PTK2B: variants seen among roughly 807,000 people sequenced by gnomAD.
The protein encoded by PTK2B is protein-tyrosine kinase 2-beta.
In PTK2B, 71 loss-of-function variants were observed where a neutral mutation model predicts 142.9. The observed-to-expected ratio is 0.50, with a 90% CI of 0.41 to 0.61. The LOEUF is 0.61. Ranked by LOEUF, PTK2B falls within the 20% of genes least tolerant of loss-of-function variation. The pLI, the probability that PTK2B is intolerant of heterozygous loss-of-function variation, is 0.00. For missense variants in PTK2B, 1,105 were observed against 1,320.4 expected, an observed-to-expected ratio of 0.84 and a Z score of 2.53; for synonymous variants, 519 against 503.4, an observed-to-expected ratio of 1.03 and a Z score of -0.42.
chr8:27,401,634 A>G (rs2059968), intron 2 of PTK2B, among the ~76,000 whole-genome samples: 1 of 152,164 alleles, frequency 6.6e-6, no homozygotes, highest in South Asian at 2.1e-4. Flanking sequence ...AAGAATTGCT[A>G]AAGTTTGGCT....
chr8:27,330,861 T>C (rs1354049276), intron 1 of PTK2B, among the ~76,000 whole-genome samples: 1 of 152,214 alleles, frequency 6.6e-6, no homozygotes, highest in African/African-American at 2.4e-5. Context: ...CTGAGTTTAG[T>C]GGTCTTCGTG....
chr8:27,393,235 G>A (rs571914074), intron 1 of PTK2B, among the ~76,000 whole-genome samples: 1 of 152,298 alleles, frequency 6.6e-6, no homozygotes, highest in East Asian at 1.9e-4. Context: ...AGATTGTTGT[G>A]CAAAGAACTT....
chr8:27,402,076 T>C (rs2131496868), intron 2 of PTK2B, among the ~76,000 whole-genome samples: 1 of 152,288 alleles, frequency 6.6e-6, no homozygotes, highest in Non-Finnish European at 1.5e-5. Context: ...GCACAGAGAA[T>C]TTAAGCAAAT....
chr8:27,389,456 T>C (rs1807575000), intron 1 of PTK2B, among the ~76,000 whole-genome samples: 1 of 152,146 alleles, frequency 6.6e-6, no homozygotes. Flanking sequence ...AAAATCTGGC[T>C]AGCTGCAGGG....
upstream of PTK2B, chr8:27,323,370 A>T (rs1803266385): frequency 6.6e-6 from 1 of 152,290 alleles, no homozygotes. Context: ...CCAGCAGCTG[A>T]AAGGACATTT....
intron 6 of PTK2B, 80 bp downstream of exon 6, chr8:27,430,235 CT>C: frequency 1.3e-6 from 2 of 1,577,318 alleles, no homozygotes; most frequent in Non-Finnish European, 1.7e-6. Context: ...TCCTCCACCC[CT>C]CCCCAGACCA....
intron 30 of PTK2B, among the ~76,000 whole-genome samples, chr8:27,458,023 A>ATGAGG (rs2132607347): frequency 6.6e-6 from 1 of 150,542 alleles, no homozygotes; most frequent in East Asian, 2.0e-4. Flanking sequence ...TTTAGAAAGT[A>ATGAGG]TGAGGTATGA....
At chr8:27,340,404 G>A (rs1804326475) in intron 1 of PTK2B, among the ~76,000 whole-genome samples, 1 of 152,238 alleles carries the variant, frequency 6.6e-6, no homozygotes, top group Admixed American at 6.5e-5. Context: ...GCAAAGATAA[G>A]AAGGCACTGA....
At chr8:27,320,052 G>T (rs77991665) in intron 3 of PTK2B, among the ~76,000 whole-genome samples, 80 of 152,234 alleles carry the variant, frequency 5.3e-4, no homozygotes, top group African/African-American at 1.8e-3. Flanking sequence ...GGAGGAGTGC[G>T]CATTGGGGTG....
At chr8:27,454,837 G>A (rs1812050842) in intron 30 of PTK2B, among the ~76,000 whole-genome samples, 2 of 152,186 alleles carry the variant, frequency 1.3e-5, no homozygotes. Context: ...GTCTCCAGAT[G>A]ACGGCAGTGA....
At chr8:27,445,762 G>T (rs199775166) in intron 23 of PTK2B, 32 bp from the exon 24 acceptor site, 1 of 1,611,516 alleles carries the variant, frequency 6.2e-7, no homozygotes, top group Non-Finnish European at 8.5e-7. Context: ...GCTTTGTCCC[G>T]TGCCTTGTGC....
At chr8:27,334,032 A>G (rs1420258342) in intron 1 of PTK2B, among the ~76,000 whole-genome samples, 1 of 151,984 alleles carries the variant, frequency 6.6e-6, no homozygotes, top group Non-Finnish European at 1.5e-5. Context: ...CTCAGGTCAG[A>G]AACCTTGCTA....
At position 27,363,637 on chromosome 8, in the gene PTK2B, G is replaced by A. The variant is rs1235174331; in HGVS notation, c.-37-33911G>A. On this transcript the variant is annotated intron_variant, in intron 1 of 30. Transcript: ENST00000346049. The surrounding 1 kb of genome is among the most constrained non-coding windows in gnomAD (Gnocchi z 4.3). The stretch of plus-strand genomic sequence containing the variant: ...GGGTCTACCCCTGCCCTTCTTGCAA[G>A]TCCTCCTTTTTCTCATCATGGACCT... Among the ~76,000 whole-genome samples, 1 of 152,132 alleles carries A rather than the reference G, an allele frequency of 6.6e-6. No individual in the cohort carries two copies. Among genetic ancestry groups the A allele is most frequent in the Non-Finnish European group, 1.5e-5 (1 of 68,024 alleles).
intron 3 of PTK2B, among the ~76,000 whole-genome samples, chr8:27,315,523 T>G (rs1463372953): frequency 6.6e-6 from 1 of 152,190 alleles, no homozygotes; most frequent in Non-Finnish European, 1.5e-5. Context: ...TCTCATTCTC[T>G]TTCACTGTGT....
At chr8:27,393,961 C>A (rs1437198951) in intron 1 of PTK2B, among the ~76,000 whole-genome samples, 2 of 152,068 alleles carry the variant, frequency 1.3e-5, no homozygotes, top group Admixed American at 6.6e-5. Context: ...AGTCACCTGT[C>A]ACTTAAGGGT....
chr8:27,453,092 C>T (rs747646497), intron 27 of PTK2B, 22 bp from the exon 28 acceptor site: 1 of 1,613,668 alleles, frequency 6.2e-7, no homozygotes, highest in Non-Finnish European at 8.5e-7. Context: ...CTGCCCCCCA[C>T]TTGCTGTTCT....
At chr8:27,382,732 T>C (rs1586201927) in intron 1 of PTK2B, among the ~76,000 whole-genome samples, 2 of 152,308 alleles carry the variant, frequency 1.3e-5, no homozygotes, top group African/African-American at 4.8e-5. Flanking sequence ...ATTTCATGTA[T>C]AGTGAGAGAT....
chr8:27,402,674 G>C (rs1808454424), intron 2 of PTK2B, among the ~76,000 whole-genome samples: 1 of 152,200 alleles, frequency 6.6e-6, no homozygotes, highest in Non-Finnish European at 1.5e-5. Flanking sequence ...TCCTGGCCAA[G>C]AGTGAGACTG....
chr8:27,437,798 C>T lies in PTK2B; in HGVS notation c.1561C>T (p.Leu521=). 6.2e-7 allele frequency: 1 copy of T among 1,613,348 alleles called. No homozygotes were observed. Among genetic ancestry groups the T allele is most frequent in the Non-Finnish European group, 8.5e-7 (1 of 1,179,812 alleles). ...CTACCTGGAGCGGAACAAGAACTCCCTGAAGGTGCTCACCCTCGTGCTGTA... is the reference window on the plus strand; with the variant it reads ...CTACCTGGAGCGGAACAAGAACTCCTTGAAGGTGCTCACCCTCGTGCTGTA... ...GHYLERNKNS[L]KVLTLVLYSL... The change falls in exon 18 of 31, where the codon CTG becomes TTG. Residue 521 remains leucine (L), a synonymous_variant. Transcript: ENST00000346049.
Sources: gnomAD v4.1 joint callset for allele counts (sites outside exome capture counted in the v4.1 genomes callset) on GRCh38, gnomAD v4.1.1 for gene constraint, Gnocchi (gnomAD v3.1) non-coding constraint, MANE v1.5 for transcripts, NCBI Gene and HGNC (gene_info 2026-07-23, HGNC 2026-07-21) for gene names.